The following ARHGAP29 variants were observed in gnomAD, a reference collection of about 807,000 sequenced individuals.
The protein encoded by ARHGAP29 is Rho GTPase activating protein 29.
A neutral mutation model predicts 122.6 loss-of-function variants in ARHGAP29; 43 were observed. The observed-to-expected ratio is 0.35, with a 90% CI of 0.27 to 0.45. The LOEUF is 0.45. Among genes scored for constraint, ARHGAP29 ranks in the 20% least tolerant of loss-of-function variants. The probability of loss-of-function intolerance (pLI) is 1.00; values close to 1 mark genes in which losing one functional copy is unlikely to be tolerated. For missense variants in ARHGAP29, 1,303 were observed against 1,477.2 expected (o/e 0.88, Z 1.93); for synonymous variants, 506 against 497.1 (o/e 1.02, Z -0.24).
At chr1:94,300,643 C>G in the ARHGAP29 span, among the ~76,000 whole-genome samples, 31 of 152,110 alleles carry the variant, frequency 2.0e-4, no homozygotes, top group Non-Finnish European at 1.3e-4. Flanking sequence ...GGGTGATAAT[C>G]CATCCTATGT....
intron 1 of ARHGAP29, among the ~76,000 whole-genome samples, chr1:94,232,822 C>T (rs1653006337): frequency 1.3e-5 from 2 of 151,984 alleles, no homozygotes; most frequent in East Asian, 3.9e-4. Flanking sequence ...AATTAACTCA[C>T]ACTTTATTAT....
chr1:94,210,431 A>G (rs1432174990), intron 3 of ARHGAP29, among the ~76,000 whole-genome samples: 1 of 152,234 alleles, frequency 6.6e-6, no homozygotes, highest in Non-Finnish European at 1.5e-5. Flanking sequence ...TGATTCTAAT[A>G]CACAACGAGA....
chr1:94,215,644 T>C (rs1051194205), intron 3 of ARHGAP29, among the ~76,000 whole-genome samples: 1 of 152,020 alleles, frequency 6.6e-6, no homozygotes, highest in Non-Finnish European at 1.5e-5. Flanking sequence ...ATTCAACAAA[T>C]GAAACCATGA....
At chr1:94,270,819 G>A (rs1654961238) in intron 1 of ARHGAP29, among the ~76,000 whole-genome samples, 1 of 152,232 alleles carries the variant, frequency 6.6e-6, no homozygotes, top group Non-Finnish European at 1.5e-5. Context: ...TTCCCAATGG[G>A]CAGAGCTGCC....
At chr1:94,194,173 T>C (rs899312333) in intron 12 of ARHGAP29, 1 of 152,208 alleles carries the variant, frequency 6.6e-6, no homozygotes, top group Admixed American at 6.5e-5. Flanking sequence ...GGCTGAATTG[T>C]CCTAGTACAT....
At chr1:94,271,256 A>G (rs1247590619) in intron 1 of ARHGAP29, among the ~76,000 whole-genome samples, 1 of 151,940 alleles carries the variant, frequency 6.6e-6, no homozygotes, top group Non-Finnish European at 1.5e-5. Flanking sequence ...TATGACAGTA[A>G]GCAAGTAAGA....
rs758610615 is a variant in ARHGAP29, at chr1:94,203,135, T to C, written c.838A>G (p.Thr280Ala). 1 of 1,613,646 alleles carries C rather than the reference T, an allele frequency of 6.2e-7. No homozygotes were observed. Among genetic ancestry groups the C allele is most frequent in the South Asian group, 1.1e-5 (1 of 90,974 alleles). Residue 280 changes from threonine to alanine, a missense_variant, in exon 9 of 23, where the codon ACA (threonine) becomes GCA (alanine). Around this residue, in one of 3 missense-constraint regions of ARHGAP29, gnomAD observed 592 missense variants for 648.2 expected, o/e 0.91. Transcript: ENST00000260526. ...DIESSHLLQQTIAALQANKFV... is the reference protein window; with the variant it reads ...DIESSHLLQQAIAALQANKFV... The stretch of plus-strand genomic sequence containing the variant: ...TTGTTAGCCTGGAGAGCTGCAATTG[T>C]TTGTTGTAAAAGGTGACTGCTTTCT...
chr1:94,220,113 C>G (rs922086813), intron 3 of ARHGAP29, 145 bp downstream of exon 3: 6 of 921,334 alleles, frequency 6.5e-6, no homozygotes, highest in Non-Finnish European at 8.1e-6. Context: ...GGGAATATTT[C>G]AATATCAAAG....
the ARHGAP29 span, among the ~76,000 whole-genome samples, chr1:94,292,576 C>G: frequency 4.6e-5 from 7 of 152,328 alleles, no homozygotes; most frequent in African/African-American, 1.7e-4. Context: ...TCTGATTTCT[C>G]TCCATCTTTT....
chr1:94,176,507 T>TTA (rs761072080), intron 22 of ARHGAP29: 1 of 152,218 alleles, frequency 6.6e-6, no homozygotes. Context: ...ATAATGCTAT[T>TTA]TACTTTATAG....
upstream of ARHGAP29, among the ~76,000 whole-genome samples, chr1:94,240,506 G>A (rs981059617): frequency 6.6e-6 from 1 of 152,102 alleles, no homozygotes; most frequent in African/African-American, 2.4e-5. Context: ...ATACCTTTCT[G>A]CAAGTCCGAA....
intron 16 of ARHGAP29, among the ~76,000 whole-genome samples, 167 bp from the exon 17 acceptor site, chr1:94,185,648 T>G (rs367571439): frequency 2.6e-4 from 39 of 152,292 alleles, no homozygotes; most frequent in African/African-American, 9.4e-4. Context: ...TAGGTCTAAT[T>G]TATAGATCTC....
chr1:94,309,942 G>A, the ARHGAP29 span, among the ~76,000 whole-genome samples: 5 of 152,102 alleles, frequency 3.3e-5, no homozygotes, highest in African/African-American at 1.2e-4. Context: ...ATTTTAGAAG[G>A]CTCTCAGTAA....
chr1:94,239,994 A>T (rs1264809158), upstream of ARHGAP29, among the ~76,000 whole-genome samples: 1 of 152,190 alleles, frequency 6.6e-6, no homozygotes, highest in Non-Finnish European at 1.5e-5. Flanking sequence ...TCAAAACTGA[A>T]GGACATCAGT....
chr1:94,244,496 C>CA (rs34924062), intron 1 of ARHGAP29, among the ~76,000 whole-genome samples: 1 of 151,528 alleles, frequency 6.6e-6, no homozygotes, highest in Non-Finnish European at 1.5e-5. Flanking sequence ...AGGGCATCTA[C>CA]AAAAAAAACC....
intron 19 of ARHGAP29, among the ~76,000 whole-genome samples, chr1:94,180,416 T>A (rs1649380717): frequency 1.3e-5 from 2 of 152,226 alleles, no homozygotes; most frequent in African/African-American, 4.8e-5. Flanking sequence ...ATTTATCTAA[T>A]TTTTTAATAC....
intron 19 of ARHGAP29, among the ~76,000 whole-genome samples, chr1:94,183,483 T>G (rs1187638872): frequency 1.3e-5 from 2 of 152,024 alleles, no homozygotes; most frequent in African/African-American, 4.8e-5. Flanking sequence ...AACTACAGGT[T>G]TAACAGTGAG....
At chr1:94,299,081 C>CA in the ARHGAP29 span, among the ~76,000 whole-genome samples, 1,501 of 152,306 alleles carry the variant, frequency 9.9e-3, 23 homozygotes, top group African/African-American at 0.033. Flanking sequence ...TAGTACTGCA[C>CA]ATTTCATCAC....
rs566077257 is a variant in ARHGAP29 at position 94,170,936 on chromosome 1, C to T, written c.*2933G>A. On this transcript the variant is annotated 3_prime_UTR_variant, in exon 23 of 23. Transcript: ENST00000260526. Reference sequence around the variant, plus strand: ...TAGTTGCTGATATCTAGGAATACAACTGACTTACATACTGATTGTGAATGT... The same window carrying T: ...TAGTTGCTGATATCTAGGAATACAATTGACTTACATACTGATTGTGAATGT... 2.6e-4 allele frequency among the ~76,000 whole-genome samples: 40 copies of T among 152,244 alleles called. No homozygotes were observed. Among genetic ancestry groups the T allele is most frequent in the African/African-American group, 8.2e-4 (34 of 41,562 alleles).
Sources: allele counts gnomAD v4.1 joint callset (sites outside exome capture counted in the v4.1 genomes callset), GRCh38; gene constraint gnomAD v4.1.1; regional missense constraint gnomAD v4.1.1; transcripts MANE v1.5; gene names NCBI Gene and HGNC (gene_info 2026-07-23, HGNC 2026-07-21).